Variants in RAB20 observed in about 807,000 individuals in gnomAD.
RAB20 encodes the protein ras-related protein Rab-20.
Under a neutral mutation model 3.7 loss-of-function variants are expected in RAB20, and 2 were observed. That is an observed-to-expected ratio of 0.54 (90% CI 0.22 to 1.69). RAB20 has a LOEUF of 1.69. Ranked by LOEUF, RAB20 falls within the 40% of genes most tolerant of loss-of-function variation. RAB20 has a pLI of 0.19. For synonymous variants in RAB20, 126 were observed against 130.8 expected (o/e 0.96, Z 0.25); for missense variants, 276 against 311.9 (o/e 0.88, Z 0.87).
intron 1 of RAB20, among the ~76,000 whole-genome samples, chr13:110,532,671 C>A (rs551239158): frequency 7.6e-6 from 1 of 131,734 alleles, no homozygotes; most frequent in African/African-American, 3.1e-5. Context: ...GGCACCACGC[C>A]CAGCCTATTT....
At chr13:110,524,356 T>C (rs1485462042) in intron 1 of RAB20, among the ~76,000 whole-genome samples, 159 bp from the exon 2 acceptor site, 1 of 152,182 alleles carries the variant, frequency 6.6e-6, no homozygotes, top group African/African-American at 2.4e-5. Flanking sequence ...GTGCCACCCA[T>C]GGGCACCATC....
chr13:110,550,154 TGAA>T lies in RAB20; in HGVS notation c.172+11191_172+11193del, dbSNP rs1384693379. Among the ~76,000 whole-genome samples, 14 of 152,034 alleles carry T rather than the reference TGAA, an allele frequency of 9.2e-5. No individual in the cohort carries two copies. In the South Asian group the frequency reaches 1.5e-3, roughly 16 times the overall value. ...GAGCACATGGAGGCCAACAGGAAGGTGAAGAAGAACTCACCCCCATGCCACAAG... is the reference window on the plus strand; with the variant it reads ...GAGCACATGGAGGCCAACAGGAAGGTGAAGAACTCACCCCCATGCCACAAG... On this transcript the variant is annotated intron_variant, in intron 1 of 1. Coordinates refer to ENST00000267328, the MANE Select transcript of RAB20 (RefSeq NM_017817.3).
chr13:110,545,127 G>A (rs555842710), intron 1 of RAB20, among the ~76,000 whole-genome samples: 17 of 152,010 alleles, frequency 1.1e-4, no homozygotes, highest in East Asian at 1.9e-4. Flanking sequence ...TCCCAGTCTC[G>A]GTTATGTCTT....
At position 110,556,346 on chromosome 13, in the gene RAB20, G is replaced by A. The variant is rs142442611; in HGVS notation, c.172+5002C>T. ...ACAGACCTGACCTGACTGCCTTTTC[G>A]GAGAGAGGATAAAACCAGGAAATCA... On this transcript the variant is annotated intron_variant, in intron 1 of 1. Transcript: ENST00000267328. Among the ~76,000 whole-genome samples, 540 of 152,256 alleles carry A rather than the reference G, an allele frequency of 3.5e-3. 5 individuals carry two copies. The highest frequency in any genetic ancestry group is 0.012 in the African/African-American group (510 of 41,542).
intron 1 of RAB20, among the ~76,000 whole-genome samples, chr13:110,560,858 G>A (rs1457335044): frequency 6.6e-6 from 1 of 152,050 alleles, no homozygotes; most frequent in Non-Finnish European, 1.5e-5. Flanking sequence ...AAGAGGTCCG[G>A]AGGCTCCAGT....
intron 1 of RAB20, among the ~76,000 whole-genome samples, chr13:110,537,675 G>C (rs9521824): frequency 0.34 from 51,891 of 151,354 alleles, 10,025 homozygotes; most frequent in African/African-American, 0.53. Flanking sequence ...TGACATTCCG[G>C]TTCCTAAAGT....
At chr13:110,530,776 G>A (rs943081713) in intron 1 of RAB20, among the ~76,000 whole-genome samples, 2 of 151,660 alleles carry the variant, frequency 1.3e-5, no homozygotes, top group African/African-American at 4.8e-5. Context: ...AGGACCCTGG[G>A]GAAGTAGGTC....
chr13:110,549,877 C>G (rs1186661770), intron 1 of RAB20, among the ~76,000 whole-genome samples: 1 of 152,140 alleles, frequency 6.6e-6, no homozygotes, highest in African/African-American at 2.4e-5. Context: ...GCACGCGCCA[C>G]CAAGCGCAGC....
intron 1 of RAB20, among the ~76,000 whole-genome samples, chr13:110,530,169 C>T (rs1385006603): frequency 7.5e-6 from 1 of 133,130 alleles, no homozygotes; most frequent in Non-Finnish European, 1.6e-5. Context: ...GCAGGTCCCA[C>T]CACCCCACCT....
intron 1 of RAB20, among the ~76,000 whole-genome samples, chr13:110,548,475 C>CTCT (rs1660732959): frequency 1.2e-4 from 1 of 8,340 alleles, no homozygotes; most frequent in Non-Finnish European, 1.9e-3. Flanking sequence ...GAGAATGAAA[C>CTCT]TGTCTCAAAA....
rs546372370 is a variant in RAB20, at chr13:110,547,474, G to A, written c.172+13874C>T. On this transcript the variant is annotated intron_variant, in intron 1 of 1. Coordinates refer to ENST00000267328, the MANE Select transcript of RAB20 (RefSeq NM_017817.3). The stretch of plus-strand genomic sequence containing the variant: ...TCTAGTTCACAGGCACCCCATGCAC[G>A]AAATAGAACGTAGCCCGATGTACAT... 2.6e-4 allele frequency among the ~76,000 whole-genome samples: 39 copies of A among 152,318 alleles called. No homozygotes were observed. In the South Asian group the frequency reaches 6.8e-3, roughly 27 times the overall value.
rs1566594336 is a variant in RAB20, at chr13:110,561,541, G to A, written c.-22C>T. ...TCATCTTCCCGTAAGAACCCCCAGC[G>A]CCCCCGCGCCCTCTCCCCGAGGCTG... On this transcript the variant is annotated 5_prime_UTR_variant, in exon 1 of 2. Transcript: ENST00000267328. 1.2e-5 allele frequency: 19 copies of A among 1,535,454 alleles called. No homozygotes were observed. The highest frequency in any genetic ancestry group is 1.7e-5 in the Non-Finnish European group (19 of 1,141,394).
chr13:110,534,534 G>A (rs756919632), intron 1 of RAB20, among the ~76,000 whole-genome samples: 1 of 152,228 alleles, frequency 6.6e-6, no homozygotes, highest in Non-Finnish European at 1.5e-5. Flanking sequence ...CCAGGGCAGG[G>A]GAAGTGGCAT....
intron 1 of RAB20, among the ~76,000 whole-genome samples, chr13:110,535,431 C>T (rs138213234): frequency 1.2e-3 from 186 of 152,354 alleles, no homozygotes; most frequent in African/African-American, 4.3e-3. Flanking sequence ...GAATAAATAA[C>T]ACATGAGGCT....
In RAB20 at chr13:110,555,990, G is replaced by A. The variant is rs1378442168; in HGVS notation, c.172+5358C>T. On this transcript the variant is annotated intron_variant, in intron 1 of 1. Coordinates refer to ENST00000267328, the MANE Select transcript of RAB20 (RefSeq NM_017817.3). The surrounding 1 kb of genome is among the most constrained non-coding windows in gnomAD (Gnocchi z 4.0). Reference sequence around the variant, plus strand: ...AATGTTTGTTTAGCAAAACTCACATGGTACTTCCTCATTCTGGCCACTGTT... The same window carrying A: ...AATGTTTGTTTAGCAAAACTCACATAGTACTTCCTCATTCTGGCCACTGTT... Among the ~76,000 whole-genome samples the A allele has an allele frequency of 6.6e-6, 1 of 152,214 alleles. No individual in the cohort carries two copies. Among genetic ancestry groups the A allele is most frequent in the Non-Finnish European group, 1.5e-5 (1 of 68,040 alleles).
intron 1 of RAB20, among the ~76,000 whole-genome samples, chr13:110,559,968 T>C (rs1447747831): frequency 6.6e-6 from 1 of 152,174 alleles, no homozygotes; most frequent in Non-Finnish European, 1.5e-5. Flanking sequence ...ACCTTGCTAC[T>C]TGTAAACCAA....
intron 1 of RAB20, among the ~76,000 whole-genome samples, chr13:110,552,157 T>C (rs1034867753): frequency 4.0e-5 from 6 of 151,612 alleles, no homozygotes; most frequent in South Asian, 2.1e-4. Flanking sequence ...GGTGGGTGGA[T>C]TGCTTGAGGT....
chr13:110,544,319 A>G (rs147419984), intron 1 of RAB20, among the ~76,000 whole-genome samples: 122 of 152,354 alleles, frequency 8.0e-4, no homozygotes, highest in African/African-American at 2.5e-3. Context: ...TTTTGAAGTC[A>G]GGCAGTGTGA....
chr13:110,532,592 G>A (rs528919124), intron 1 of RAB20, among the ~76,000 whole-genome samples: 6 of 152,140 alleles, frequency 3.9e-5, no homozygotes, highest in Admixed American at 2.6e-4. Context: ...GGCCAGGCTG[G>A]TCTCAAACTC....
Sources: allele counts gnomAD v4.1 joint callset (sites outside exome capture counted in the v4.1 genomes callset), GRCh38; gene constraint gnomAD v4.1.1; non-coding constraint Gnocchi (gnomAD v3.1); transcripts MANE v1.5; gene names NCBI Gene and HGNC (gene_info 2026-07-23, HGNC 2026-07-21).